The following SHC2 variants were observed in gnomAD, a reference collection of about 807,000 sequenced individuals.
SHC2 encodes the protein SHC adaptor protein 2, also known as SHC-transforming protein 2.
A neutral mutation model predicts 60.6 loss-of-function variants in SHC2; 62 were observed. That is an observed-to-expected ratio of 1.02 (90% CI 0.83 to 1.26). The LOEUF is 1.26. SHC2 is among the 50% of genes most tolerant of loss of function. SHC2 has a pLI of 0.00. For missense variants in SHC2, 873 were observed against 822.2 expected, an observed-to-expected ratio of 1.06 and a Z score of -0.76; for synonymous variants, 375 against 372.4, an observed-to-expected ratio of 1.01 and a Z score of -0.08.
intron 5 of SHC2, 64 bp from the exon 6 acceptor site, chr19:436,495 C>T (rs750507934): frequency 6.3e-6 from 10 of 1,596,236 alleles, no homozygotes; most frequent in South Asian, 1.1e-5. Context: ...CAGCTGCCCA[C>T]CCCAGCAATG....
chr19:442,819 G>GTGCA (rs1974924874), intron 1 of SHC2, among the ~76,000 whole-genome samples: 1 of 101,574 alleles, frequency 9.8e-6, no homozygotes, highest in Non-Finnish European at 2.0e-5. Flanking sequence ...GAGTGGATGG[G>GTGCA]TGGATGGGTG....
At position 445,581 on chromosome 19, in the gene SHC2, T is replaced by C. The variant is rs1412678464; in HGVS notation, c.469-4649A>G. 6.6e-6 allele frequency among the ~76,000 whole-genome samples: 1 copy of C among 151,556 alleles called. No individual in the cohort carries two copies. The highest frequency in any genetic ancestry group is 6.6e-5 in the Admixed American group (1 of 15,200). ...AGGCCTCATCTCTACAAAAGAAAAATTTTTAATTAGCTGAGCATGGTGAGT... is the reference window on the plus strand; with the variant it reads ...AGGCCTCATCTCTACAAAAGAAAAACTTTTAATTAGCTGAGCATGGTGAGT... On this transcript the variant is annotated intron_variant, in intron 1 of 12. Coordinates refer to ENST00000264554, the MANE Select transcript of SHC2 (RefSeq NM_012435.3). This position sits in a 1 kb window ranked among gnomAD's most constrained non-coding sequence, Gnocchi z 4.4.
intron 1 of SHC2, among the ~76,000 whole-genome samples, chr19:449,953 A>T (rs889756420): frequency 7.2e-5 from 11 of 152,186 alleles, no homozygotes; most frequent in Admixed American, 2.6e-4. Context: ...TCTAAGGTTG[A>T]AACTATTTAA....
Position 446,934 on chromosome 19 carries a change from C to T in SHC2, c.469-6002G>A, listed in dbSNP as rs1028222788. 6.6e-6 allele frequency among the ~76,000 whole-genome samples: 1 copy of T among 152,078 alleles called. No individual in the cohort carries two copies. Among genetic ancestry groups the T allele is most frequent in the Admixed American group, 6.6e-5 (1 of 15,258 alleles). On this transcript the variant is annotated intron_variant, in intron 1 of 12. Transcript: ENST00000264554. This position sits in a 1 kb window ranked among gnomAD's most constrained non-coding sequence, Gnocchi z 5.4. ...AGACCGTCCGAGTCTCCGCCACCGCCCACGCCAGCCACCGGGACCCACCTC... is the reference window on the plus strand; with the variant it reads ...AGACCGTCCGAGTCTCCGCCACCGCTCACGCCAGCCACCGGGACCCACCTC...
intron 1 of SHC2, among the ~76,000 whole-genome samples, chr19:449,742 C>T (rs988635291): frequency 1.6e-4 from 25 of 152,020 alleles, no homozygotes; most frequent in African/African-American, 5.6e-4. Context: ...GCCTGGGCAA[C>T]GAGAGCAAAA....
chr19:455,739 C>T (rs776090992), intron 1 of SHC2, among the ~76,000 whole-genome samples: 8 of 152,160 alleles, frequency 5.3e-5, no homozygotes, highest in African/African-American at 1.2e-4. Context: ...CAATCTGCTC[C>T]GCCTTTCCCA....
At chr19:450,606 G>T (rs981158636) in intron 1 of SHC2, among the ~76,000 whole-genome samples, 2 of 152,206 alleles carry the variant, frequency 1.3e-5, no homozygotes, top group African/African-American at 2.4e-5. Context: ...TCTGTGTCTG[G>T]AGTCTCTCAC....
At chr19:459,634 C>G (rs747304854) in intron 1 of SHC2, among the ~76,000 whole-genome samples, 8 of 152,110 alleles carry the variant, frequency 5.3e-5, no homozygotes, top group Non-Finnish European at 1.0e-4. Context: ...GGGGAAGGAC[C>G]CTTCTCAACT....
chr19:427,382 A>C (rs1974443165), intron 9 of SHC2, among the ~76,000 whole-genome samples: 4 of 152,058 alleles, frequency 2.6e-5, no homozygotes, highest in Admixed American at 2.6e-4. Context: ...CGTGGGAACG[A>C]GGGGCGCCTG....
chr19:437,629 G>C (rs1388837135), intron 4 of SHC2, among the ~76,000 whole-genome samples: 1 of 151,968 alleles, frequency 6.6e-6, no homozygotes, highest in Non-Finnish European at 1.5e-5. Context: ...CGCAGGGTGG[G>C]GGCAGAGATG....
chr19:447,622 T>C (rs990629092), intron 1 of SHC2, among the ~76,000 whole-genome samples: 2 of 152,004 alleles, frequency 1.3e-5, no homozygotes, highest in African/African-American at 2.4e-5. Flanking sequence ...CTACTAAAAA[T>C]ACAAGATTAG....
intron 7 of SHC2, chr19:435,891 T>G: frequency 8.5e-5 from 34 of 398,446 alleles, no homozygotes; most frequent in East Asian, 8.4e-5. Context: ...GGAGGAGGGA[T>G]ATTGGTTGTA....
rs1974390800 is a variant in SHC2 at position 425,405 on chromosome 19, G to C, written c.1175-174C>G. Among the ~76,000 whole-genome samples the C allele has an allele frequency of 6.6e-6, 1 of 152,210 alleles. No individual in the cohort carries two copies. Among genetic ancestry groups the C allele is most frequent in the African/African-American group, 2.4e-5 (1 of 41,458 alleles). Reference sequence around the variant, plus strand: ...CCCGCCCGTCTGCAGGTGCCACAGGGAGCATCTTACAGCAGCAAAGCCCCG... The same window carrying C: ...CCCGCCCGTCTGCAGGTGCCACAGGCAGCATCTTACAGCAGCAAAGCCCCG... On this transcript the variant is annotated intron_variant, in intron 9 of 12. Coordinates refer to ENST00000264554, the MANE Select transcript of SHC2 (RefSeq NM_012435.3). The surrounding 1 kb of genome is among the most constrained non-coding windows in gnomAD (Gnocchi z 4.1).
chr19:457,096 A>G (rs113080875), intron 1 of SHC2, among the ~76,000 whole-genome samples: 7 of 117,758 alleles, frequency 5.9e-5, no homozygotes, highest in Non-Finnish European at 1.2e-4. Context: ...CCACCACATC[A>G]GGCCTTTGCA....
chr19:418,900 G>A (rs199577951), intron 12 of SHC2, 23 bp downstream of exon 12: 154 of 1,572,738 alleles, frequency 9.8e-5, no homozygotes, highest in African/African-American at 6.1e-4. Context: ...CAAGGCCAGC[G>A]ACCCACGGCG....
chr19:428,232 A>AGCCAAAGCTCGAAGTGCCC (rs1974469868), intron 9 of SHC2, among the ~76,000 whole-genome samples: 1 of 152,216 alleles, frequency 6.6e-6, no homozygotes, highest in Admixed American at 6.5e-5. Context: ...AAAAACAAAA[A>AGCCAAAGCTCGAAGTGCCC]GCCAAAGCTC....
In SHC2 at chr19:460,513, G is replaced by T. The variant is rs1253484465; in HGVS notation, c.468+16C>A. 3.4e-5 allele frequency: 42 copies of T among 1,240,200 alleles called. No homozygotes were observed. Among genetic ancestry groups the T allele is most frequent in the Non-Finnish European group, 4.1e-5 (40 of 976,414 alleles). 76.8% of individuals were successfully genotyped at this position (1,240,200 alleles called of 1,614,324 possible). A position where few individuals can be genotyped will look rare whatever the true frequency, so the allele number is the denominator to read the frequency against. On this transcript the variant is annotated intron_variant, in intron 1 of 12. Coordinates refer to ENST00000264554, the MANE Select transcript of SHC2 (RefSeq NM_012435.3). The stretch of plus-strand genomic sequence containing the variant: ...CCGCCGCGAACGGGCTCCCGGGGGG[G>T]GTGGGGGGGACTCACCCGCACGACG...
At chr19:456,732 C>T (rs549815332) in intron 1 of SHC2, among the ~76,000 whole-genome samples, 1 of 149,674 alleles carries the variant, frequency 6.7e-6, no homozygotes, top group Non-Finnish European at 1.5e-5. Context: ...TCTGCAAACT[C>T]CACCGCGTCA....
At position 440,997 on chromosome 19, in the gene SHC2, C is replaced by T. The variant is rs1974851692; in HGVS notation, c.469-65G>A. ...CCGCAGTGGAGCCACGTCCCTTTTCCCAGCAGCCCTTCGCCGCCTCCACCA... is the reference window on the plus strand; with the variant it reads ...CCGCAGTGGAGCCACGTCCCTTTTCTCAGCAGCCCTTCGCCGCCTCCACCA... On this transcript the variant is annotated intron_variant, in intron 1 of 12. Transcript: ENST00000264554. The surrounding 1 kb of genome is among the most constrained non-coding windows in gnomAD (Gnocchi z 7.0). 2 of 1,562,248 alleles carry T rather than the reference C, an allele frequency of 1.3e-6. No homozygotes were observed. Among genetic ancestry groups the T allele is most frequent in the Admixed American group, 3.3e-5 (2 of 59,844 alleles).
Sources: allele counts gnomAD v4.1 joint callset (sites outside exome capture counted in the v4.1 genomes callset), GRCh38; gene constraint gnomAD v4.1.1; non-coding constraint Gnocchi (gnomAD v3.1); transcripts MANE v1.5; gene names NCBI Gene and HGNC (gene_info 2026-07-23, HGNC 2026-07-21).